WARS2: variants seen among roughly 807,000 people sequenced by gnomAD.
WARS2 encodes the protein tryptophan--tRNA ligase, mitochondrial.
WARS2 carries 28 observed loss-of-function variants against 36.5 expected under a neutral mutation model. The observed-to-expected ratio is 0.77, with a 90% CI of 0.57 to 1.05. WARS2 has a LOEUF of 1.05. WARS2 is among the 50% of genes least tolerant of loss of function. The pLI, the probability that WARS2 is intolerant of heterozygous loss-of-function variation, is 0.00. For synonymous variants in WARS2, 174 were observed against 178.4 expected (o/e 0.98, Z 0.20); for missense variants, 435 against 456.8 (o/e 0.95, Z 0.44).
At chr1:119,057,104 G>A (rs900038002) in intron 2 of WARS2, among the ~76,000 whole-genome samples, 3 of 151,878 alleles carry the variant, frequency 2.0e-5, no homozygotes, top group African/African-American at 4.8e-5. Flanking sequence ...TTTTTCTGAC[G>A]ACTATGATGT....
chr1:119,092,840 C>T (rs1653138503), intron 1 of WARS2, among the ~76,000 whole-genome samples: 1 of 152,166 alleles, frequency 6.6e-6, no homozygotes, highest in East Asian at 1.9e-4. Context: ...TAGCTATCTT[C>T]ATCATCTAAT....
intron 1 of WARS2, among the ~76,000 whole-genome samples, chr1:119,122,202 A>T (rs989266614): frequency 1.3e-5 from 2 of 152,190 alleles, no homozygotes; most frequent in African/African-American, 4.8e-5. Context: ...GCAAGAAAAA[A>T]GCAATCAATC....
chr1:119,125,626 T>C (rs1655603857), intron 1 of WARS2, among the ~76,000 whole-genome samples: 1 of 152,236 alleles, frequency 6.6e-6, no homozygotes. Flanking sequence ...GAACAGGGTC[T>C]TTTAATCATT....
intron 1 of WARS2, among the ~76,000 whole-genome samples, chr1:119,133,796 A>G (rs1459801525): frequency 1.3e-5 from 2 of 152,200 alleles, no homozygotes; most frequent in Non-Finnish European, 2.9e-5. Flanking sequence ...TAAAACTTGA[A>G]AGAACACTGA....
intron 4 of WARS2, among the ~76,000 whole-genome samples, chr1:119,040,045 G>A (rs562586013): frequency 2.0e-4 from 31 of 152,284 alleles, no homozygotes; most frequent in Non-Finnish European, 4.1e-4. Context: ...CTCTGTTATA[G>A]GGAAAACAAT....
rs1648439543 is a variant in WARS2, at chr1:119,042,306, A to T, written c.473T>A (p.Leu158His). The change falls in exon 4 of 6, where the codon CTC becomes CAC. Residue 158 changes from leucine to histidine, a missense_variant. Coordinates refer to ENST00000235521, the MANE Select transcript of WARS2 (RefSeq NM_015836.4). ...KQKHDGTVGL[L>H]TYPVLQAADI... The stretch of plus-strand genomic sequence containing the variant: ...GGCTGCCTGGAGTACTGGGTATGTG[A>T]GCAGGCCCACCGTGCCATCGTGCTT... The T allele has an allele frequency of 6.2e-7, 1 of 1,613,696 alleles. No individual in the cohort carries two copies.
intron 1 of WARS2, among the ~76,000 whole-genome samples, chr1:119,136,269 G>A (rs1342466788): frequency 6.6e-6 from 1 of 152,114 alleles, no homozygotes; most frequent in Non-Finnish European, 1.5e-5. Context: ...GGCCATGGCT[G>A]CCGTACTATC....
At chr1:119,139,650 C>T (rs1227695388) in intron 1 of WARS2, 1 of 152,196 alleles carries the variant, frequency 6.6e-6, no homozygotes, top group Admixed American at 6.5e-5. Flanking sequence ...GGTGCGACAT[C>T]CTCACACCTA....
intron 4 of WARS2, among the ~76,000 whole-genome samples, chr1:119,035,059 G>A (rs1339078676): frequency 6.6e-6 from 1 of 152,172 alleles, no homozygotes; most frequent in East Asian, 1.9e-4. Flanking sequence ...ATGAAGATGT[G>A]AAACCAAAAA....
chr1:119,123,039 G>A (rs587657500), intron 1 of WARS2, among the ~76,000 whole-genome samples: 12 of 152,226 alleles, frequency 7.9e-5, no homozygotes, highest in African/African-American at 2.6e-4. Context: ...ATGCATATAC[G>A]CATTTTTCAA....
At chr1:119,103,336 G>T (rs1399761383) in intron 1 of WARS2, among the ~76,000 whole-genome samples, 3 of 152,050 alleles carry the variant, frequency 2.0e-5, no homozygotes, top group Non-Finnish European at 4.4e-5. Context: ...AGCTCAAGTT[G>T]GTCTCTGGTA....
intron 1 of WARS2, among the ~76,000 whole-genome samples, chr1:119,138,567 ATGTT>A (rs1242179560): frequency 6.6e-6 from 1 of 152,208 alleles, no homozygotes; most frequent in African/African-American, 2.4e-5. Context: ...AAAGTTAAAA[ATGTT>A]TGTTCCCTTC....
intron 2 of WARS2, among the ~76,000 whole-genome samples, chr1:119,048,022 T>G (rs947233771): frequency 1.3e-5 from 2 of 152,226 alleles, no homozygotes; most frequent in Non-Finnish European, 2.9e-5. Context: ...CAGGAAATAT[T>G]TGTTGAATGC....
At chr1:119,140,473 GAGAGAAATAAAT>G (rs1656880034) in intron 1 of WARS2, 70 bp downstream of exon 1, 3 of 1,299,656 alleles carry the variant, frequency 2.3e-6, no homozygotes, top group Non-Finnish European at 3.3e-6. Flanking sequence ...GAAGCGGGAG[GAGAGAAATAAAT>G]AGAGGGCAGT....
At chr1:119,095,479 A>C (rs1332798459) in intron 1 of WARS2, among the ~76,000 whole-genome samples, 1 of 152,112 alleles carries the variant, frequency 6.6e-6, no homozygotes, top group African/African-American at 2.4e-5. Flanking sequence ...GCTGGAGTGC[A>C]GTGGCGATCT....
chr1:119,066,600 T>C lies in WARS2; in HGVS notation c.348+9750A>G, dbSNP rs568649427. On this transcript the variant is annotated intron_variant, in intron 2 of 5. Coordinates refer to ENST00000235521, the MANE Select transcript of WARS2 (RefSeq NM_015836.4). ...TCAATAGGAAAATACAATTAAAAAA[T>C]AGTCAAAAGATATGAGCAAACAATT... Among the ~76,000 whole-genome samples, 8 of 146,110 alleles carry C rather than the reference T, an allele frequency of 5.5e-5. No homozygotes were observed. In the South Asian group the frequency reaches 1.7e-3, roughly 32 times the overall value.
In WARS2 at chr1:119,140,582, CTTA is replaced by C. The variant is rs762820643; in HGVS notation, c.60_62del (p.His20_Lys21delinsGln). The C allele has an allele frequency of 1.2e-5, 19 of 1,613,918 alleles. No homozygotes were observed. The highest frequency in any genetic ancestry group is 1.7e-5 in the Admixed American group (1 of 60,004). ...GGAGAGCGGGAGCAGCTGCGGATCC[CTTA>C]TGAAGTGCCCGGATGAAGCTCCAGC... On this transcript the variant is annotated inframe_deletion, in exon 1 of 6. Transcript: ENST00000235521.
intron 1 of WARS2, among the ~76,000 whole-genome samples, chr1:119,113,930 TA>T (rs1205751144): frequency 1.3e-5 from 2 of 152,096 alleles, no homozygotes; most frequent in Non-Finnish European, 1.5e-5. Flanking sequence ...TTGCTTGAGG[TA>T]AAAATAAGTA....
chr1:119,121,735 G>A (rs1655338264), intron 1 of WARS2, among the ~76,000 whole-genome samples: 1 of 152,008 alleles, frequency 6.6e-6, no homozygotes, highest in Non-Finnish European at 1.5e-5. Context: ...CAGAAATAAA[G>A]CTTAATACTT....
Sources: allele counts gnomAD v4.1 joint callset (sites outside exome capture counted in the v4.1 genomes callset), GRCh38; gene constraint gnomAD v4.1.1; transcripts MANE v1.5; gene names NCBI Gene and HGNC (gene_info 2026-07-23, HGNC 2026-07-21).